NF1: variants seen among roughly 807,000 people sequenced by gnomAD.
NF1 encodes the protein neurofibromin 1, also known as neurofibromin.
A neutral mutation model predicts 325.7 loss-of-function variants in NF1; 122 were observed. The ratio of observed to expected loss-of-function variants is 0.37; its 90% confidence interval spans 0.32 to 0.44. The LOEUF is 0.44. Ranked by LOEUF, NF1 falls within the 20% of genes least tolerant of loss-of-function variation. The pLI, the probability that NF1 is intolerant of heterozygous loss-of-function variation, is 1.00. For synonymous variants in NF1, 1,091 were observed against 1,186.0 expected, an observed-to-expected ratio of 0.92 and a Z score of 1.65; for missense variants, 2,140 against 3,415.4, an observed-to-expected ratio of 0.63 and a Z score of 9.31.
intron 1 of NF1, among the ~76,000 whole-genome samples, chr17:31,145,166 A>C (rs1177542543): frequency 6.6e-6 from 1 of 152,100 alleles, no homozygotes; most frequent in Non-Finnish European, 1.5e-5. Context: ...GCTCTTCTTT[A>C]GATCTTTGCA....
rs149873858 is a variant in NF1 at position 31,104,960 on chromosome 17, A to T, written c.60+9591A>T. 4.6e-3 allele frequency among the ~76,000 whole-genome samples: 693 copies of T among 152,290 alleles called. 7 individuals carry two copies. The highest frequency in any genetic ancestry group is 0.016 in the African/African-American group (663 of 41,550). ...CTCTTTGTTCCTCAGGCTGGAGTGC[A>T]GTGGTGTGATCATAGCTCACCATAG... On this transcript the variant is annotated intron_variant, in intron 1 of 57. Transcript: ENST00000358273.
At chr17:31,105,337 G>A (rs1489205510) in intron 1 of NF1, among the ~76,000 whole-genome samples, 2 of 152,178 alleles carry the variant, frequency 1.3e-5, no homozygotes, top group East Asian at 3.8e-4. Flanking sequence ...TACCATAAAT[G>A]GTACTAATTA....
chr17:31,316,546 C>T (rs12940802), intron 36 of NF1, among the ~76,000 whole-genome samples: 1 of 151,906 alleles, frequency 6.6e-6, no homozygotes, highest in Non-Finnish European at 1.5e-5. Flanking sequence ...TTCTCTGACA[C>T]GTGTTTATTT....
At chr17:31,295,289 G>C (rs763606113) in intron 36 of NF1, 3 of 1,614,108 alleles carry the variant, frequency 1.9e-6, no homozygotes, top group Admixed American at 3.3e-5. Flanking sequence ...TGCAGCTGCT[G>C]CTTCATGTGA....
intron 1 of NF1, among the ~76,000 whole-genome samples, chr17:31,099,243 C>T (rs1269035409): frequency 1.3e-5 from 2 of 152,186 alleles, no homozygotes; most frequent in Non-Finnish European, 2.9e-5. Flanking sequence ...TATCGCTTAG[C>T]AACTTAGTGC....
chr17:31,337,475 C>T lies in NF1; in HGVS notation c.6535C>T (p.Arg2179Cys), dbSNP rs878853908. The T allele has an allele frequency of 3.1e-6, 5 of 1,614,106 alleles. No homozygotes were observed. Among genetic ancestry groups the T allele is most frequent in the South Asian group, 2.2e-5 (2 of 91,078 alleles). Residue 2179 changes from arginine (R) to cysteine (C), a missense_variant, in exon 43 of 58, where the codon CGT becomes TGT. Transcript: ENST00000358273. Reference sequence around the variant, plus strand: ...CAAGTCAGCTGCTGTCATTGCCTTCCGTTCCAGTTACCGGGACAGGTCATT... The same window carrying T: ...CAAGTCAGCTGCTGTCATTGCCTTCTGTTCCAGTTACCGGGACAGGTCATT... Reference protein sequence around the residue: ...KVKSAAVIAFRSSYRDRSFSP... With the variant: ...KVKSAAVIAFCSSYRDRSFSP...
chr17:31,147,190 TAAAAC>T (rs1021359140), intron 1 of NF1, among the ~76,000 whole-genome samples: 1 of 152,270 alleles, frequency 6.6e-6, no homozygotes, highest in Admixed American at 6.5e-5. Flanking sequence ...GATCAAGAAA[TAAAAC>T]AATACTGTGA....
chr17:31,239,426 T>C (rs919427742), intron 29 of NF1, among the ~76,000 whole-genome samples: 22 of 152,042 alleles, frequency 1.4e-4, no homozygotes, highest in Admixed American at 4.6e-4. Flanking sequence ...ACATCAAAAT[T>C]TGTGGGGTTT....
intron 36 of NF1, chr17:31,305,489 T>C (rs375405082): frequency 6.2e-7 from 1 of 1,614,084 alleles, no homozygotes; most frequent in Non-Finnish European, 8.5e-7. Flanking sequence ...ACCTGTGACA[T>C]TGATGATGTG....
chr17:31,308,867 T>G (rs757972298), intron 36 of NF1, among the ~76,000 whole-genome samples: 2 of 152,224 alleles, frequency 1.3e-5, no homozygotes, highest in African/African-American at 4.8e-5. Flanking sequence ...ACTTCTATTC[T>G]CTTAAGTAAT....
chr17:31,252,317 A>T (rs899150892), intron 30 of NF1: 1 of 206,244 alleles, frequency 4.8e-6, no homozygotes, highest in African/African-American at 2.3e-5. Context: ...CTCTGATTAG[A>T]ACCATTTCAG....
At chr17:31,272,763 C>T (rs2067925649) in intron 36 of NF1, 1 of 152,190 alleles carries the variant, frequency 6.6e-6, no homozygotes, top group African/African-American at 2.4e-5. Flanking sequence ...ACATCATCCT[C>T]CTCTGTTTCA....
At position 31,249,055 on chromosome 17, in the gene NF1, C is replaced by A. The variant is rs1229215269; in HGVS notation, c.4046C>A (p.Ala1349Asp). The A allele has an allele frequency of 1.9e-6, 3 of 1,614,050 alleles. No individual in the cohort carries two copies. In the Admixed American group the frequency reaches 5.0e-5, roughly 27 times the overall value. The change falls in exon 30 of 58, where the codon GCC becomes GAC. Residue 1349 changes from alanine (A) to aspartate (D), a missense_variant. Physicochemically the swap from Ala to Asp is moderately radical, Grantham distance 126 (BLOSUM62 -2). Around this residue, in one of 10 missense-constraint regions of NF1, gnomAD observed 336 missense variants for 399.0 expected, o/e 0.84. Coordinates refer to ENST00000358273, the MANE Select transcript of NF1 (RefSeq NM_001042492.3). Reference protein sequence around the residue: ...LLQMTEKFFHAIISSSSEFPP... With the variant: ...LLQMTEKFFHDIISSSSEFPP... ...CAGATGACTGAAAAGTTCTTCCATGCCATCATCAGTTCCTCCTCAGAATTC... is the reference window on the plus strand; with the variant it reads ...CAGATGACTGAAAAGTTCTTCCATGACATCATCAGTTCCTCCTCAGAATTC...
intron 20 of NF1, among the ~76,000 whole-genome samples, chr17:31,228,430 G>A (rs1456104902): frequency 6.6e-6 from 1 of 151,994 alleles, no homozygotes; most frequent in Non-Finnish European, 1.5e-5. Context: ...GCTTTTGGGG[G>A]GATAACTGTT....
At chr17:31,234,060 G>T (rs920160465) in intron 27 of NF1, among the ~76,000 whole-genome samples, 1 of 152,172 alleles carries the variant, frequency 6.6e-6, no homozygotes. Flanking sequence ...CACCCTTGCT[G>T]CTGCCACCAC....
At chr17:31,229,700 A>G in intron 21 of NF1, 135 bp from the exon 22 acceptor site, 4 of 1,156,260 alleles carry the variant, frequency 3.5e-6, no homozygotes, top group Admixed American at 1.7e-5. Flanking sequence ...GTCTGCGTAT[A>G]TCTGTATGCT....
At chr17:31,354,624 A>G (rs996382373) in intron 51 of NF1, among the ~76,000 whole-genome samples, 1 of 152,204 alleles carries the variant, frequency 6.6e-6, no homozygotes, top group Non-Finnish European at 1.5e-5. Context: ...GGAACCATTT[A>G]ATAAAATTGA....
In NF1 at chr17:31,095,309, C is replaced by A; in HGVS notation, c.-1C>A. On this transcript the variant is annotated 5_prime_UTR_variant, in exon 1 of 58. Transcript: ENST00000358273. The stretch of plus-strand genomic sequence containing the variant: ...CGCCGCCCCCCGGCCGCGGGGAGGA[C>A]ATGGCCGCGCACAGGCCGGTGGAAT... The A allele has an allele frequency of 6.5e-7, 1 of 1,537,442 alleles. No homozygotes were observed. The highest frequency in any genetic ancestry group is 8.7e-7 in the Non-Finnish European group (1 of 1,146,038).
At chr17:31,305,448 A>G in intron 36 of NF1, 8 of 1,614,172 alleles carry the variant, frequency 5.0e-6, no homozygotes, top group Non-Finnish European at 6.8e-6. Flanking sequence ...GACCCAAAGG[A>G]TTCCCTGTTG....
Sources: allele counts gnomAD v4.1 joint callset (sites outside exome capture counted in the v4.1 genomes callset), GRCh38; gene constraint gnomAD v4.1.1; regional missense constraint gnomAD v4.1.1; transcripts MANE v1.5; gene names NCBI Gene and HGNC (gene_info 2026-07-23, HGNC 2026-07-21).